The following GABRB1 variants were observed in gnomAD, a reference collection of about 807,000 sequenced individuals.
GABRB1 encodes the protein gamma-aminobutyric acid type A receptor subunit beta1, also known as gamma-aminobutyric acid receptor subunit beta-1.
In GABRB1, 17 loss-of-function variants were observed where a neutral mutation model predicts 51.6. The observed-to-expected ratio is 0.33, with a 90% CI of 0.23 to 0.49. The LOEUF is 0.49. Ranked by LOEUF, GABRB1 falls within the 20% of genes least tolerant of loss-of-function variation. The pLI, the probability that GABRB1 is intolerant of heterozygous loss-of-function variation, is 0.99. For synonymous variants in GABRB1, 247 were observed against 218.9 expected (o/e 1.13, Z -1.14); for missense variants, 410 against 600.6 (o/e 0.68, Z 3.32).
intron 4 of GABRB1, among the ~76,000 whole-genome samples, chr4:47,213,216 T>G (rs1560587902): frequency 6.6e-6 from 1 of 152,166 alleles, no homozygotes; most frequent in Non-Finnish European, 1.5e-5. Flanking sequence ...TAATTGATTG[T>G]TTATATGCTT....
chr4:47,007,507 C>G (rs1269523197), intron 1 of GABRB1, among the ~76,000 whole-genome samples: 1 of 152,168 alleles, frequency 6.6e-6, no homozygotes, highest in Non-Finnish European at 1.5e-5. Context: ...TGTTAACAAA[C>G]TGGACTTCAC....
At chr4:47,042,273 T>C (rs1725879497) in intron 3 of GABRB1, among the ~76,000 whole-genome samples, 1 of 150,868 alleles carries the variant, frequency 6.6e-6, no homozygotes, top group Non-Finnish European at 1.5e-5. Flanking sequence ...GTAATTTTTT[T>C]ATGTTGACCA....
intron 3 of GABRB1, among the ~76,000 whole-genome samples, chr4:47,083,866 C>A (rs1025158674): frequency 1.3e-5 from 2 of 152,128 alleles, no homozygotes; most frequent in African/African-American, 4.8e-5. Flanking sequence ...AGACACACCC[C>A]TATGTCTAAG....
intron 4 of GABRB1, among the ~76,000 whole-genome samples, chr4:47,283,228 T>C (rs1723357775): frequency 6.6e-6 from 1 of 152,010 alleles, no homozygotes; most frequent in Admixed American, 6.6e-5. Context: ...ATAGGATTAT[T>C]AAAACAATTG....
intron 4 of GABRB1, among the ~76,000 whole-genome samples, chr4:47,258,385 A>G (rs1383659819): frequency 6.6e-6 from 1 of 152,172 alleles, no homozygotes; most frequent in African/African-American, 2.4e-5. Context: ...AGATAAGTTT[A>G]GATTATGTTC....
At chr4:47,375,260 T>C (rs1727338674) in intron 5 of GABRB1, among the ~76,000 whole-genome samples, 1 of 152,188 alleles carries the variant, frequency 6.6e-6, no homozygotes, top group Non-Finnish European at 1.5e-5. Context: ...AACACTCTAA[T>C]AGATGTGAAG....
At chr4:47,345,833 C>T (rs1157170591) in intron 5 of GABRB1, among the ~76,000 whole-genome samples, 1 of 152,142 alleles carries the variant, frequency 6.6e-6, no homozygotes, top group Non-Finnish European at 1.5e-5. Flanking sequence ...CCTTCCAGCT[C>T]CTTCTGCTGT....
chr4:47,139,215 G>C (rs945003653), intron 3 of GABRB1, among the ~76,000 whole-genome samples: 4 of 151,954 alleles, frequency 2.6e-5, no homozygotes, highest in African/African-American at 9.7e-5. Flanking sequence ...CTAAGACTGG[G>C]ATGCCTCTAA....
At chr4:47,152,459 C>T (rs1187580530) in intron 3 of GABRB1, among the ~76,000 whole-genome samples, 1 of 151,916 alleles carries the variant, frequency 6.6e-6, no homozygotes, top group Non-Finnish European at 1.5e-5. Flanking sequence ...GTTGTGGGAG[C>T]TCAAAAGAGT....
chr4:47,185,721 C>A (rs1024311688), intron 4 of GABRB1, among the ~76,000 whole-genome samples: 1 of 151,810 alleles, frequency 6.6e-6, no homozygotes, highest in Non-Finnish European at 1.5e-5. Context: ...AACTACCTCA[C>A]AAGATTTTCA....
rs1289589554 is a variant in GABRB1 at position 47,425,913 on chromosome 4, C to T, written c.1320C>T (p.Ile440=). The change falls in exon 9 of 9, where the codon ATC becomes ATT. Residue 440 remains isoleucine (I), a synonymous_variant. Coordinates refer to ENST00000295454, the MANE Select transcript of GABRB1 (RefSeq NM_000812.4). ...RRRASQLKVK[I]PDLTDVNSID... ...GTGCCTCCCAGCTCAAAGTCAAGAT[C>T]CCCGACTTGACTGATGTGAATTCCA... 2 of 1,614,032 alleles carry T rather than the reference C, an allele frequency of 1.2e-6. No homozygotes were observed. Among genetic ancestry groups the T allele is most frequent in the South Asian group, 2.2e-5 (2 of 91,068 alleles).
chr4:47,032,382 G>T (rs1447542849), intron 2 of GABRB1, 35 bp from the exon 3 acceptor site: 2 of 1,548,224 alleles, frequency 1.3e-6, no homozygotes, highest in Non-Finnish European at 8.8e-7. Flanking sequence ...GTCACTGAGA[G>T]AATCTGTTCC....
chr4:47,410,280 G>A (rs1044641119), intron 8 of GABRB1, among the ~76,000 whole-genome samples: 3 of 152,014 alleles, frequency 2.0e-5, no homozygotes, highest in Admixed American at 6.6e-5. Context: ...ATTAAAACAG[G>A]GCAGAGTACT....
intron 4 of GABRB1, among the ~76,000 whole-genome samples, chr4:47,211,064 A>G (rs1292900710): frequency 6.6e-6 from 1 of 152,310 alleles, no homozygotes; most frequent in East Asian, 1.9e-4. Flanking sequence ...TCTTTAAAGC[A>G]TTGATTAACC....
At chr4:47,152,982 T>C (rs1194494119) in intron 3 of GABRB1, among the ~76,000 whole-genome samples, 1 of 152,022 alleles carries the variant, frequency 6.6e-6, no homozygotes, top group Non-Finnish European at 1.5e-5. Flanking sequence ...ACTGGGCAGA[T>C]GCCAGTAAAG....
chr4:47,176,025 T>C (rs900083142), intron 4 of GABRB1, among the ~76,000 whole-genome samples: 3 of 152,198 alleles, frequency 2.0e-5, no homozygotes, highest in African/African-American at 7.2e-5. Flanking sequence ...TTTTCTTATA[T>C]TGTTCATAAA....
At chr4:47,415,955 T>C (rs1728904257) in intron 8 of GABRB1, among the ~76,000 whole-genome samples, 1 of 152,184 alleles carries the variant, frequency 6.6e-6, no homozygotes, top group Non-Finnish European at 1.5e-5. Flanking sequence ...GATTTCCCCA[T>C]TCTGCAGACA....
intron 4 of GABRB1, among the ~76,000 whole-genome samples, chr4:47,242,821 T>G (rs904847692): frequency 6.6e-6 from 1 of 152,222 alleles, no homozygotes; most frequent in African/African-American, 2.4e-5. Context: ...AAAACTTTTC[T>G]CCCATTCTGT....
chr4:47,248,002 T>G (rs1721832278), intron 4 of GABRB1, among the ~76,000 whole-genome samples: 1 of 152,128 alleles, frequency 6.6e-6, no homozygotes, highest in South Asian at 2.1e-4. Flanking sequence ...ATGCCCTTTG[T>G]TTCTTTCTCT....
Sources: allele counts gnomAD v4.1 joint callset (sites outside exome capture counted in the v4.1 genomes callset), GRCh38; gene constraint gnomAD v4.1.1; transcripts MANE v1.5; gene names NCBI Gene and HGNC (gene_info 2026-07-23, HGNC 2026-07-21).